Variants in MATN2 observed in about 807,000 individuals in gnomAD.
MATN2 encodes the protein matrilin 2, also known as matrilin-2.
Under a neutral mutation model 103.2 loss-of-function variants are expected in MATN2, and 69 were observed. The observed-to-expected ratio is 0.67, with a 90% CI of 0.55 to 0.82. MATN2 has a LOEUF of 0.82. Among genes scored for constraint, MATN2 ranks in the 40% least tolerant of loss-of-function variants. The pLI, the probability that MATN2 is intolerant of heterozygous loss-of-function variation, is 0.00. For missense variants in MATN2, 1,023 were observed against 1,211.5 expected, an observed-to-expected ratio of 0.84 and a Z score of 2.31; for synonymous variants, 429 against 450.2, an observed-to-expected ratio of 0.95 and a Z score of 0.60.
Position 98,033,663 on chromosome 8 carries a change from T to G in MATN2, c.2815+4T>G, listed in dbSNP as rs1814127075. ...GTAAGAAAATTAACACAGCGCTATA[T>G]CCTTTTCTTGCATTATGCTTCTGTA... On this transcript the variant is annotated splice_donor_region_variant and intron_variant, in intron 18 of 18. Coordinates refer to ENST00000254898, the MANE Select transcript of MATN2 (RefSeq NM_002380.5). 1.9e-6 allele frequency: 3 copies of G among 1,563,178 alleles called. No homozygotes were observed. Among genetic ancestry groups the G allele is most frequent in the Non-Finnish European group, 2.6e-6 (3 of 1,140,822 alleles).
At chr8:97,974,506 G>A (rs1029834197) in intron 5 of MATN2, among the ~76,000 whole-genome samples, 7 of 152,108 alleles carry the variant, frequency 4.6e-5, no homozygotes, top group Non-Finnish European at 8.8e-5. Flanking sequence ...GAATGCAGTG[G>A]CACGATCTTG....
In MATN2 at chr8:98,021,342, C is replaced by G; in HGVS notation, c.1942+15C>G. ...ACGGTGCAAGAGTAAGTGATCTGAA[C>G]TTGGCTCTCTGCTTTAATTTTGTTT... On this transcript the variant is annotated intron_variant, in intron 13 of 18. Transcript: ENST00000254898. 1 of 1,608,698 alleles carries G rather than the reference C, an allele frequency of 6.2e-7. No homozygotes were observed. The highest frequency in any genetic ancestry group is 8.5e-7 in the Non-Finnish European group (1 of 1,177,474).
In MATN2 at chr8:97,931,337, C is replaced by T; in HGVS notation, c.527C>T (p.Ser176Phe). 1.2e-6 allele frequency: 2 copies of T among 1,613,886 alleles called. No homozygotes were observed. Among genetic ancestry groups the T allele is most frequent in the Non-Finnish European group, 1.7e-6 (2 of 1,179,882 alleles). ...MIVTDGRPQD[S>F]VAEVAAKARD... Reference sequence around the variant, plus strand: ...GTGACAGATGGGAGACCTCAGGACTCCGTGGCCGAGGTGGCTGCTAAGGCA... The same window carrying T: ...GTGACAGATGGGAGACCTCAGGACTTCGTGGCCGAGGTGGCTGCTAAGGCA... The change falls in exon 3 of 19, where the codon TCC becomes TTC. Residue 176 changes from serine to phenylalanine, a missense_variant. Coordinates refer to ENST00000254898, the MANE Select transcript of MATN2 (RefSeq NM_002380.5). This position sits in a 1 kb window ranked among gnomAD's most constrained non-coding sequence, Gnocchi z 4.1.
In MATN2 at chr8:97,965,427, G is replaced by A. The variant is rs557584173; in HGVS notation, c.958+3897G>A. 2.8e-4 allele frequency among the ~76,000 whole-genome samples: 43 copies of A among 152,248 alleles called. 1 individual carries two copies. The highest frequency in any genetic ancestry group is 9.6e-4 in the African/African-American group (40 of 41,546). ...CAGATAGGAGATTGTAGCAGTTATC[G>A]GGTGAGAGAGGATAGGAACCAGCCA... On this transcript the variant is annotated intron_variant, in intron 5 of 18. Transcript: ENST00000254898.
intron 2 of MATN2, among the ~76,000 whole-genome samples, chr8:97,923,578 C>T (rs545036427): frequency 3.4e-4 from 51 of 150,492 alleles, no homozygotes; most frequent in African/African-American, 7.8e-4. Context: ...TTTTTTGAGA[C>T]GGAGCCTTGC....
intron 6 of MATN2, among the ~76,000 whole-genome samples, chr8:97,979,772 A>G (rs1183267290): frequency 6.6e-6 from 1 of 152,226 alleles, no homozygotes; most frequent in African/African-American, 2.4e-5. Context: ...AACAATCTAG[A>G]ATAGGGTAAG....
At chr8:97,940,446 A>G (rs1586069833) in intron 3 of MATN2, among the ~76,000 whole-genome samples, 3 of 152,226 alleles carry the variant, frequency 2.0e-5, no homozygotes, top group South Asian at 4.1e-4. Flanking sequence ...CAAAACACAG[A>G]CAATCAAACT....
In MATN2 at chr8:98,007,015, T is replaced by C; in HGVS notation, c.1328-90T>C. On this transcript the variant is annotated intron_variant, in intron 8 of 18. Transcript: ENST00000254898. The surrounding 1 kb of genome is among the most constrained non-coding windows in gnomAD (Gnocchi z 4.2). ...AGAATGACACCTTCCCTGTGGCTTGTTATGCCTCCGGTTTTGTTTTTGAAT... is the reference window on the plus strand; with the variant it reads ...AGAATGACACCTTCCCTGTGGCTTGCTATGCCTCCGGTTTTGTTTTTGAAT... 7.1e-7 allele frequency: 1 copy of C among 1,410,382 alleles called. No homozygotes were observed. Among genetic ancestry groups the C allele is most frequent in the Non-Finnish European group, 9.7e-7 (1 of 1,026,998 alleles). 87.4% of individuals were successfully genotyped at this position (1,410,382 alleles called of 1,614,324 possible).
At position 97,961,540 on chromosome 8, in the gene MATN2, C is replaced by T. The variant is rs1586094795; in HGVS notation, c.958+10C>T. On this transcript the variant is annotated intron_variant, in intron 5 of 18. Coordinates refer to ENST00000254898, the MANE Select transcript of MATN2 (RefSeq NM_002380.5). ...GGGAAGAGGTGTGTGGGTGAGTATCCCTCCAGCTGGGCTTGGTAGGGAAGG... is the reference window on the plus strand; with the variant it reads ...GGGAAGAGGTGTGTGGGTGAGTATCTCTCCAGCTGGGCTTGGTAGGGAAGG... 3.7e-6 allele frequency: 6 copies of T among 1,603,034 alleles called. No homozygotes were observed. The highest frequency in any genetic ancestry group is 3.3e-4 in the Middle Eastern group (2 of 6,014).
chr8:97,882,148 TTCTGA>T (rs1818278405), intron 1 of MATN2, among the ~76,000 whole-genome samples: 3 of 151,618 alleles, frequency 2.0e-5, no homozygotes, highest in African/African-American at 7.3e-5. Context: ...GGTCTCAAAC[TTCTGA>T]CCTCAGGTGA....
At chr8:98,025,054 T>C (rs929163860) in intron 13 of MATN2, 1 of 152,262 alleles carries the variant, frequency 6.6e-6, no homozygotes, top group African/African-American at 2.4e-5. Flanking sequence ...GACTCACTGC[T>C]GGAAAATTAT....
At chr8:98,027,370 A>C (rs1158438796) in intron 13 of MATN2, 46 bp from the exon 14 acceptor site, 1 of 1,501,002 alleles carries the variant, frequency 6.7e-7, no homozygotes, top group Non-Finnish European at 9.0e-7. Context: ...CTTGTGCATA[A>C]ATGATTTTTT....
chr8:97,980,343 T>A (rs112082527), intron 6 of MATN2, among the ~76,000 whole-genome samples: 1 of 152,034 alleles, frequency 6.6e-6, no homozygotes, highest in African/African-American at 2.4e-5. Context: ...TAGCAGCCTG[T>A]GCTGTCGTCG....
At chr8:97,952,983 C>T (rs1386527059) in intron 4 of MATN2, among the ~76,000 whole-genome samples, 3 of 132,130 alleles carry the variant, frequency 2.3e-5, no homozygotes, top group Admixed American at 1.8e-4. Flanking sequence ...AGTGCAGTGG[C>T]GCAATCATAG....
chr8:97,939,074 A>G (rs1229774495), intron 3 of MATN2, among the ~76,000 whole-genome samples: 1 of 150,910 alleles, frequency 6.6e-6, no homozygotes, highest in Non-Finnish European at 1.5e-5. Context: ...ACAGGGTTTC[A>G]CCATGTTGGC....
Position 98,033,140 on chromosome 8 carries a change from T to A in MATN2, c.2680T>A (p.Ser894Thr), listed in dbSNP as rs758404166. The A allele has an allele frequency of 1.2e-6, 2 of 1,610,344 alleles. No homozygotes were observed. Among genetic ancestry groups the A allele is most frequent in the Non-Finnish European group, 1.7e-6 (2 of 1,178,238 alleles). Residue 894 changes from serine to threonine, a missense_variant, in exon 17 of 19, where the codon TCT becomes ACT. Ser to Thr is a moderately conservative substitution (Grantham distance 58). Coordinates refer to ENST00000254898, the MANE Select transcript of MATN2 (RefSeq NM_002380.5). Reference sequence around the variant, plus strand: ...GTTTGAAGAAGACAATCTTTTACGGTCTACACAAAAGCTTTCCCATTCAAC... The same window carrying A: ...GTTTGAAGAAGACAATCTTTTACGGACTACACAAAAGCTTTCCCATTCAAC... ...YLFEEDNLLR[S>T]TQKLSHSTKP...
intron 2 of MATN2, among the ~76,000 whole-genome samples, chr8:97,888,943 G>T (rs1019172546): frequency 6.6e-6 from 1 of 152,100 alleles, no homozygotes; most frequent in Non-Finnish European, 1.5e-5. Flanking sequence ...TAACGTAGGT[G>T]ATATAACTTC....
In MATN2 at chr8:97,888,864, C is replaced by T. The variant is rs1430054910; in HGVS notation, c.142+622C>T. Among the ~76,000 whole-genome samples, 3 of 152,184 alleles carry T rather than the reference C, an allele frequency of 2.0e-5. No individual in the cohort carries two copies. In the East Asian group the frequency reaches 5.8e-4, roughly 29 times the overall value. On this transcript the variant is annotated intron_variant, in intron 2 of 18. Coordinates refer to ENST00000254898, the MANE Select transcript of MATN2 (RefSeq NM_002380.5). ...CAAGAGAATGAGTTTTGGCATTGAC[C>T]TGGGTTCAAGTCCTGCCTCTGCTAC...
At chr8:97,976,678 A>G (rs1811846449) in intron 5 of MATN2, among the ~76,000 whole-genome samples, 2 of 151,970 alleles carry the variant, frequency 1.3e-5, no homozygotes, top group African/African-American at 4.8e-5. Flanking sequence ...ACTGGTCTTA[A>G]GCTCCTGAGC....
Sources: gnomAD v4.1 joint callset for allele counts (sites outside exome capture counted in the v4.1 genomes callset) on GRCh38, gnomAD v4.1.1 for gene constraint, Gnocchi (gnomAD v3.1) non-coding constraint, MANE v1.5 for transcripts, NCBI Gene and HGNC (gene_info 2026-07-23, HGNC 2026-07-21) for gene names.